The following UNC79 variants were observed in gnomAD, a reference collection of about 807,000 sequenced individuals.
The protein encoded by UNC79 is unc-79 subunit of NALCN channel complex.
A neutral mutation model predicts 283.1 loss-of-function variants in UNC79; 37 were observed. The observed-to-expected ratio is 0.13, with a 90% CI of 0.10 to 0.17. UNC79 has a LOEUF of 0.17. UNC79 is among the 10% of genes least tolerant of loss of function. The probability of loss-of-function intolerance (pLI) is 1.00; values close to 1 mark genes in which losing one functional copy is unlikely to be tolerated. For synonymous variants in UNC79, 1,107 were observed against 1,200.2 expected, an observed-to-expected ratio of 0.92 and a Z score of 1.61; for missense variants, 2,272 against 3,211.1, an observed-to-expected ratio of 0.71 and a Z score of 7.07.
chr14:93,549,871 A>T (rs1253459220), intron 14 of UNC79, among the ~76,000 whole-genome samples: 1 of 152,262 alleles, frequency 6.6e-6, no homozygotes, highest in South Asian at 2.1e-4. Context: ...CACTATGTAT[A>T]TGTAGAAACT....
In UNC79 at chr14:93,653,895, T is replaced by G. The variant is rs549757128; in HGVS notation, c.6196+41T>G. 7.5e-5 allele frequency: 121 copies of G among 1,614,066 alleles called. 1 individual carries two copies. The South Asian group carries it at 8.7e-4, about 12-fold the overall frequency. On this transcript the variant is annotated intron_variant, in intron 36 of 48. Coordinates refer to ENST00000555664, the Ensembl canonical transcript of UNC79. ...AGGATCCAGGCACCACAAATTTGCC[T>G]CATCCCAGACACCCAAACACTAAAT...
At position 93,537,713 on chromosome 14, in the gene UNC79, C is replaced by A. The variant is rs766843691; in HGVS notation, c.1123-276C>A. On this transcript the variant is annotated intron_variant, in intron 11 of 48. Coordinates refer to ENST00000555664, the Ensembl canonical transcript of UNC79. ...GAAAGTGTCCTCCTCCTCGCTCCCC[C>A]CATGGCTGAGGTAACTTTACACAGG... 6.2e-4 allele frequency among the ~76,000 whole-genome samples: 94 copies of A among 152,316 alleles called. 3 individuals are homozygous for A. The highest frequency in any genetic ancestry group is 1.3e-3 in the Admixed American group (20 of 15,302).
chr14:93,475,400 G>A (rs563387071), intron 3 of UNC79, among the ~76,000 whole-genome samples: 5 of 152,092 alleles, frequency 3.3e-5, no homozygotes, highest in Non-Finnish European at 7.4e-5. Context: ...TTAGTACAAC[G>A]TGTTCATAAT....
intron 13 of UNC79, 29 bp downstream of exon 13, chr14:93,540,860 C>T (rs751409491): frequency 9.1e-5 from 146 of 1,609,038 alleles, no homozygotes; most frequent in Non-Finnish European, 1.2e-4. Flanking sequence ...CTATTCTCCA[C>T]TTTCTTATTT....
intron 1 of UNC79, among the ~76,000 whole-genome samples, chr14:93,371,733 C>T (rs1238955767): frequency 8.6e-5 from 13 of 151,620 alleles, no homozygotes; most frequent in African/African-American, 2.4e-4. Context: ...CCCAGCTACT[C>T]GGGAGGCTGA....
In UNC79 at chr14:93,580,146, C is replaced by T. The variant is rs888568957; in HGVS notation, c.2434-3C>T. ...CGTGTGTCCTTTTTTTGATGTCTTT[C>T]AGATGGAGTTACAAGATGATGGAAT... On this transcript the variant is annotated splice_polypyrimidine_tract_variant and splice_region_variant and intron_variant, in intron 18 of 48. Coordinates refer to ENST00000555664, the Ensembl canonical transcript of UNC79. The T allele has an allele frequency of 1.1e-5, 17 of 1,604,594 alleles. No individual in the cohort carries two copies. In the African/African-American group the frequency reaches 1.8e-4, roughly 17 times the overall value.
chr14:93,686,791 C>T, intron 43 of UNC79, 130 bp downstream of exon 46: 1 of 949,090 alleles, frequency 1.1e-6, no homozygotes, highest in Non-Finnish European at 1.6e-6. Context: ...GAGCCCCTGT[C>T]TTGGGGGATC....
chr14:93,575,182 A>G (rs542045935), exon 17 of UNC79: 1 of 1,613,650 alleles, frequency 6.2e-7, no homozygotes, highest in Non-Finnish European at 8.5e-7. Context: ...CTGGCAGGGA[A>G]CCTTGCATCT....
At chr14:93,614,225 T>A (rs915260692) in intron 27 of UNC79, among the ~76,000 whole-genome samples, 1 of 152,122 alleles carries the variant, frequency 6.6e-6, no homozygotes, top group African/African-American at 2.4e-5. Context: ...AGAACTTTTT[T>A]ATCATCCTAA....
At chr14:93,685,899 A>C (rs1234655665) in intron 42 of UNC79, among the ~76,000 whole-genome samples, 1 of 152,198 alleles carries the variant, frequency 6.6e-6, no homozygotes, top group African/African-American at 2.4e-5. Flanking sequence ...TTTTCCTTCA[A>C]AACTTTTCAA....
intron 1 of UNC79, chr14:93,347,359 T>G (rs997850001): frequency 9.1e-6 from 14 of 1,534,834 alleles, no homozygotes; most frequent in Non-Finnish European, 1.1e-5. Context: ...CTTCGCCCAC[T>G]CGGGGCCCCC....
chr14:93,599,506 C>A (rs1343857220), intron 24 of UNC79, among the ~76,000 whole-genome samples: 1 of 151,964 alleles, frequency 6.6e-6, no homozygotes, highest in African/African-American at 2.4e-5. Flanking sequence ...GTGGCACATT[C>A]TTTTTTTTGT....
rs2053745550 is a variant in UNC79, at chr14:93,343,014, T to C, written c.-351+9491T>C. 3.3e-5 allele frequency among the ~76,000 whole-genome samples: 5 copies of C among 152,242 alleles called. No homozygotes were observed. The South Asian group carries it at 8.3e-4, about 25-fold the overall frequency. On this transcript the variant is annotated intron_variant, in intron 1 of 49. Transcript: ENST00000256339. Reference sequence around the variant, plus strand: ...ACTATCAGTATTTTGGTCAAAACCATTCCACAGGTCTCTAGGAAGTTCCAA... The same window carrying C: ...ACTATCAGTATTTTGGTCAAAACCACTCCACAGGTCTCTAGGAAGTTCCAA...
chr14:93,532,666 C>T (rs1036187268), intron 11 of UNC79, 88 bp downstream of exon 11: 56 of 1,544,330 alleles, frequency 3.6e-5, no homozygotes, highest in Middle Eastern at 1.7e-4. Context: ...ATTTCTGCAC[C>T]GTGGTTTCCA....
chr14:93,590,639 AG>A (rs2064598571), intron 22 of UNC79, among the ~76,000 whole-genome samples: 1 of 152,170 alleles, frequency 6.6e-6, no homozygotes, highest in Non-Finnish European at 1.5e-5. Context: ...TTCTCCTTAA[AG>A]GGCCAGGTTT....
intron 14 of UNC79, among the ~76,000 whole-genome samples, chr14:93,551,883 G>A (rs745672967): frequency 6.6e-5 from 10 of 152,170 alleles, no homozygotes; most frequent in Non-Finnish European, 1.3e-4. Flanking sequence ...GAACAGCTAT[G>A]CTGAACAGGG....
intron 1 of UNC79, among the ~76,000 whole-genome samples, chr14:93,421,317 G>T (rs1443726237): frequency 1.3e-5 from 2 of 151,554 alleles, no homozygotes; most frequent in East Asian, 3.9e-4. Flanking sequence ...TGGCTACTAT[G>T]AGGAACTATT....
chr14:93,397,399 T>C (rs536453544), intron 1 of UNC79, among the ~76,000 whole-genome samples: 2 of 152,342 alleles, frequency 1.3e-5, no homozygotes, highest in Non-Finnish European at 2.9e-5. Flanking sequence ...GATTGAATAA[T>C]GGCAATTCCT....
At chr14:93,419,985 T>C (rs1243671313) in intron 1 of UNC79, among the ~76,000 whole-genome samples, 2 of 151,162 alleles carry the variant, frequency 1.3e-5, no homozygotes, top group Admixed American at 6.6e-5. Flanking sequence ...AAAACTAAAA[T>C]AAGTAAATCG....
Sources: gnomAD v4.1 joint callset for allele counts (sites outside exome capture counted in the v4.1 genomes callset) on GRCh38, gnomAD v4.1.1 for gene constraint, MANE v1.5 for transcripts, NCBI Gene and HGNC (gene_info 2026-07-23, HGNC 2026-07-21) for gene names.